The following CIMIP2A variants were observed in gnomAD, a reference collection of about 807,000 sequenced individuals.
CIMIP2A encodes ciliary microtubule inner protein 2A, also known as family with sequence similarity 166 member A.
At chr9:137,251,692 G>C in the CIMIP2A span, 3 of 1,543,378 alleles carry the variant, frequency 1.9e-6, no homozygotes, top group Non-Finnish European at 2.6e-6. Context: ...GCATGTGGCT[G>C]GGAGCGGCCG....
the CIMIP2A span, among the ~76,000 whole-genome samples, chr9:137,248,994 C>T: frequency 6.6e-6 from 1 of 151,104 alleles, no homozygotes; most frequent in African/African-American, 2.4e-5. Context: ...AACAACACCT[C>T]CATGGAAAAT....
At chr9:137,250,941 G>A in the CIMIP2A span, 3 of 344,248 alleles carry the variant, frequency 8.7e-6, no homozygotes, top group Non-Finnish European at 1.7e-5. Flanking sequence ...GGTGGGTCCT[G>A]TTCCCTCCAC....
the CIMIP2A span, among the ~76,000 whole-genome samples, chr9:137,254,526 G>A: frequency 6.6e-6 from 1 of 152,272 alleles, no homozygotes. Context: ...TCCTGGAGGA[G>A]GTGGTGGAGG....
chr9:137,245,709 G>A, the CIMIP2A span: 5 of 1,604,060 alleles, frequency 3.1e-6, no homozygotes, highest in South Asian at 3.3e-5. Context: ...ACTGGCTGAA[G>A]TCCTCAATGA....
the CIMIP2A span, among the ~76,000 whole-genome samples, chr9:137,249,914 T>G: frequency 6.6e-6 from 1 of 152,180 alleles, no homozygotes; most frequent in Admixed American, 6.5e-5. Flanking sequence ...AACCCCAAAT[T>G]GAAGCTAGTT....
chr9:137,245,599 C>T, the CIMIP2A span: 29 of 1,613,230 alleles, frequency 1.8e-5, no homozygotes, highest in African/African-American at 2.7e-5. Flanking sequence ...GACAGGCAGG[C>T]GGGCACAGGA....
the CIMIP2A span, among the ~76,000 whole-genome samples, chr9:137,246,461 TC>T: frequency 6.6e-6 from 1 of 152,178 alleles, no homozygotes; most frequent in Non-Finnish European, 1.5e-5. Context: ...AGAACTACCT[TC>T]GTCTTAAAAA....
chr9:137,251,136 T>TG, the CIMIP2A span: 3 of 667,064 alleles, frequency 4.5e-6, no homozygotes, highest in Non-Finnish European at 8.1e-6. Flanking sequence ...ATCTAGTTAG[T>TG]GGGGGAGGGG....
chr9:137,248,792 T>A, the CIMIP2A span, among the ~76,000 whole-genome samples: 1 of 151,870 alleles, frequency 6.6e-6, no homozygotes, highest in Non-Finnish European at 1.5e-5. Context: ...GGCCAGAGCC[T>A]AGGAGGTTGA....
the CIMIP2A span, chr9:137,251,606 G>A: frequency 8.4e-7 from 1 of 1,195,884 alleles, no homozygotes; most frequent in Non-Finnish European, 1.2e-6. Context: ...CTGAGGGACA[G>A]TGTGGGGACA....
the CIMIP2A span, among the ~76,000 whole-genome samples, chr9:137,248,642 G>A: frequency 6.6e-6 from 1 of 152,118 alleles, no homozygotes; most frequent in Non-Finnish European, 1.5e-5. Flanking sequence ...GATGAGGTGT[G>A]CAGATTGCTT....
the CIMIP2A span, chr9:137,252,054 A>G: frequency 6.2e-7 from 1 of 1,612,986 alleles, no homozygotes; most frequent in South Asian, 1.1e-5. Flanking sequence ...CAGCCCCACC[A>G]GGTACCAGGT....
the CIMIP2A span, chr9:137,252,030 G>C: frequency 2.4e-5 from 38 of 1,612,710 alleles, 1 homozygote; most frequent in Non-Finnish European, 3.1e-5. Context: ...GATCACAGCT[G>C]ACCTGGAAGT....
At chr9:137,247,229 A>G in the CIMIP2A span, among the ~76,000 whole-genome samples, 1 of 152,212 alleles carries the variant, frequency 6.6e-6, no homozygotes. Context: ...AGGTTGCGGT[A>G]AGCCAAGATT....
At chr9:137,251,495 G>T in the CIMIP2A span, 6 of 1,057,990 alleles carry the variant, frequency 5.7e-6, no homozygotes, top group Non-Finnish European at 8.5e-6. Context: ...GCGGCTGGGG[G>T]ACTGAGGGAC....
the CIMIP2A span, chr9:137,252,316 G>T: frequency 1.5e-6 from 2 of 1,322,524 alleles, no homozygotes; most frequent in South Asian, 2.7e-5. Context: ...CTGGGGCATG[G>T]GTGGACATTG....
At chr9:137,252,578 G>T in the CIMIP2A span, 1 of 1,499,562 alleles carries the variant, frequency 6.7e-7, no homozygotes, top group Admixed American at 2.0e-5. Context: ...AGGGGGCTGG[G>T]GGTTCCAGTG....
the CIMIP2A span, chr9:137,251,018 A>G: frequency 2.2e-6 from 1 of 459,482 alleles, no homozygotes; most frequent in South Asian, 2.1e-5. Context: ...AGGAGACCCC[A>G]GGGTGCAGGA....
chr9:137,250,507 T>C, the CIMIP2A span: 1 of 152,364 alleles, frequency 6.6e-6, no homozygotes, highest in African/African-American at 2.4e-5. Flanking sequence ...GGCCCCAAGT[T>C]GGCCCTGTTC....
Sources: gnomAD v4.1 joint callset for allele counts (sites outside exome capture counted in the v4.1 genomes callset) on GRCh38, gnomAD v4.1.1 for gene constraint, MANE v1.5 for transcripts, NCBI Gene and HGNC (gene_info 2026-07-23, HGNC 2026-07-21) for gene names.